The following DNAH12 variants were observed in gnomAD, a reference collection of about 807,000 sequenced individuals.
DNAH12 encodes the protein dynein axonemal heavy chain 12.
A neutral mutation model predicts 371.5 loss-of-function variants in DNAH12; 285 were observed. The observed-to-expected ratio is 0.77, with a 90% CI of 0.70 to 0.85. The LOEUF is 0.85. Ranked by LOEUF, DNAH12 falls within the 40% of genes least tolerant of loss-of-function variation. The pLI is 0.00. For synonymous variants in DNAH12, 1,200 were observed against 1,213.0 expected (o/e 0.99, Z 0.22); for missense variants, 3,611 against 3,689.4 (o/e 0.98, Z 0.55).
chr3:57,540,949 AACAATGTATAATTCCTAG>A (rs1184472143), intron 2 of DNAH12, among the ~76,000 whole-genome samples: 3 of 151,592 alleles, frequency 2.0e-5, no homozygotes, highest in African/African-American at 7.3e-5. Flanking sequence ...AAAAAAAAGG[AACAATGTATAATTCCTAG>A]AGAACTCCCT....
intron 60 of DNAH12, 57 bp downstream of exon 60, chr3:57,352,028 T>C (rs2062687779): frequency 2.1e-6 from 3 of 1,449,156 alleles, no homozygotes; most frequent in Non-Finnish European, 1.8e-6. Flanking sequence ...TTCACAGATT[T>C]GATTTTCCAG....
rs1057361095 is a variant in DNAH12 at position 57,543,610 on chromosome 3, C to T, written c.-34+587G>A. Among the ~76,000 whole-genome samples, 3 of 151,078 alleles carry T rather than the reference C, an allele frequency of 2.0e-5. No homozygotes were observed. In the South Asian group the frequency reaches 6.3e-4, roughly 32 times the overall value. ...TCCTGAGATTACAGGCGTGAGCCAC[C>T]GCCCCCAGCCAATCATTAATATTTT... On this transcript the variant is annotated intron_variant, in intron 1 of 73. Transcript: ENST00000495027.
chr3:57,528,037 A>T (rs903122769), intron 2 of DNAH12, among the ~76,000 whole-genome samples: 2 of 150,714 alleles, frequency 1.3e-5, no homozygotes, highest in East Asian at 3.9e-4. Context: ...TAATCTATTT[A>T]TTTTTTTTGA....
intron 60 of DNAH12, among the ~76,000 whole-genome samples, chr3:57,336,830 C>G (rs2062235503): frequency 6.6e-6 from 1 of 152,220 alleles, no homozygotes; most frequent in Non-Finnish European, 1.5e-5. Flanking sequence ...ATATGGCTAA[C>G]TCACTACCTC....
intron 22 of DNAH12, among the ~76,000 whole-genome samples, chr3:57,456,412 T>G (rs899587186): frequency 2.0e-5 from 3 of 152,194 alleles, no homozygotes; most frequent in Non-Finnish European, 4.4e-5. Context: ...TTCTACTACT[T>G]TACAACTGCT....
Position 57,444,785 on chromosome 3 carries a change from G to A in DNAH12, c.4457C>T (p.Pro1486Leu), listed in dbSNP as rs1351157573. 1 of 1,546,238 alleles carries A rather than the reference G, an allele frequency of 6.5e-7. No homozygotes were observed. ...AGGTATATCATGTGATAAAAACTTT[G>A]GTTCATTTACATCTTTAATTGATCG... Reference protein sequence around the residue: ...LLRSIKDVNEPKFLSHDIPLF... With the variant: ...LLRSIKDVNELKFLSHDIPLF... The change falls in exon 29 of 74, where the codon CCA (proline) becomes CTA (leucine). Residue 1486 changes from proline to leucine, a missense_variant. Pro to Leu is a moderately conservative substitution (Grantham distance 98). Around this residue, in one of 3 missense-constraint regions of DNAH12, gnomAD observed 2,266 missense variants for 2,236.9 expected, o/e 1.01. Transcript: ENST00000495027.
At chr3:57,491,483 T>G (rs2067123646) in intron 11 of DNAH12, among the ~76,000 whole-genome samples, 2 of 152,310 alleles carry the variant, frequency 1.3e-5, no homozygotes, top group Non-Finnish European at 2.9e-5. Context: ...TACATTAAAT[T>G]TTTTCATGGA....
chr3:57,519,780 C>G (rs991986349), intron 4 of DNAH12: 1 of 1,551,978 alleles, frequency 6.4e-7, no homozygotes, highest in African/African-American at 1.4e-5. Context: ...TACATTCTCC[C>G]AAGACCACAA....
chr3:57,435,912 C>T (rs1001028783), intron 30 of DNAH12, among the ~76,000 whole-genome samples: 2 of 151,906 alleles, frequency 1.3e-5, no homozygotes, highest in African/African-American at 4.8e-5. Context: ...GTAACCCTAC[C>T]TTTAGAAAAA....
chr3:57,508,064 G>A (rs895854986), intron 7 of DNAH12, among the ~76,000 whole-genome samples: 1 of 151,794 alleles, frequency 6.6e-6, no homozygotes. Flanking sequence ...GTGTATGCCT[G>A]TAATCCCAGC....
chr3:57,525,583 A>G lies in DNAH12; in HGVS notation c.171-1699T>C, dbSNP rs1356496434. On this transcript the variant is annotated intron_variant, in intron 2 of 73. Coordinates refer to ENST00000495027, the MANE Select transcript of DNAH12 (RefSeq NM_001366028.2). ...TATGGATTACATGAGATATTTTGAT[A>G]CAGGCATGCTATGCATAATAATCAT... Among the ~76,000 whole-genome samples, 3 of 152,126 alleles carry G rather than the reference A, an allele frequency of 2.0e-5. No homozygotes were observed. In the East Asian group the frequency reaches 5.8e-4, roughly 29 times the overall value.
At chr3:57,534,416 G>A (rs1421707011) in intron 2 of DNAH12, among the ~76,000 whole-genome samples, 1 of 151,766 alleles carries the variant, frequency 6.6e-6, no homozygotes, top group East Asian at 1.9e-4. Context: ...GGTATGTTCA[G>A]TGGAGCCTTC....
chr3:57,496,910 G>A (rs965054756), intron 11 of DNAH12, among the ~76,000 whole-genome samples: 7 of 151,966 alleles, frequency 4.6e-5, no homozygotes, highest in South Asian at 4.1e-4. Flanking sequence ...CAGAGGTTGC[G>A]GTGAGCCGAG....
chr3:57,323,955 A>T (rs1045685305), intron 62 of DNAH12, among the ~76,000 whole-genome samples: 10 of 152,164 alleles, frequency 6.6e-5, no homozygotes, highest in Admixed American at 5.9e-4. Flanking sequence ...TTAGAACCCC[A>T]AGTTTTCCTG....
At chr3:57,495,260 T>A (rs1261483559) in intron 11 of DNAH12, among the ~76,000 whole-genome samples, 2 of 151,996 alleles carry the variant, frequency 1.3e-5, no homozygotes, top group African/African-American at 4.8e-5. Context: ...AACTTCAGAA[T>A]AAGAAATATA....
At chr3:57,483,780 TA>T (rs1187686820) in intron 12 of DNAH12, among the ~76,000 whole-genome samples, 1 of 140,650 alleles carries the variant, frequency 7.1e-6, no homozygotes, top group Non-Finnish European at 1.6e-5. Flanking sequence ...ACCCTGTCTC[TA>T]CAAAAAAAAA....
At chr3:57,462,947 C>A (rs950132305) in intron 17 of DNAH12, 72 bp from the exon 18 acceptor site, 6 of 1,028,998 alleles carry the variant, frequency 5.8e-6, no homozygotes, top group African/African-American at 3.2e-5. Flanking sequence ...ATAGATGAAG[C>A]CTTGATGATA....
Position 57,496,320 on chromosome 3 carries a change from T to A in DNAH12, c.1335+5001A>T, listed in dbSNP as rs192433677. 2.7e-4 allele frequency among the ~76,000 whole-genome samples: 41 copies of A among 152,168 alleles called. 1 individual carries two copies. In the South Asian group the frequency reaches 7.7e-3, roughly 29 times the overall value. On this transcript the variant is annotated intron_variant, in intron 11 of 73. Coordinates refer to ENST00000495027, the MANE Select transcript of DNAH12 (RefSeq NM_001366028.2). ...AGTCTGGTATTTTAAGGCACTAAAT[T>A]TTGGGGGTAATTCAAGTTTATCCCA...
At chr3:57,453,917 T>C (rs541754480) in intron 23 of DNAH12, among the ~76,000 whole-genome samples, 6 of 152,094 alleles carry the variant, frequency 3.9e-5, no homozygotes, top group African/African-American at 1.2e-4. Flanking sequence ...AAGACCAGCC[T>C]GGCAAAGCAG....
Sources: gnomAD v4.1 joint callset for allele counts (sites outside exome capture counted in the v4.1 genomes callset) on GRCh38, gnomAD v4.1.1 for gene constraint, gnomAD v4.1.1 regional missense constraint, MANE v1.5 for transcripts, NCBI Gene and HGNC (gene_info 2026-07-23, HGNC 2026-07-21) for gene names.